The following PALLD variants were observed in gnomAD, a reference collection of about 807,000 sequenced individuals.
The protein encoded by PALLD is palladin.
Under a neutral mutation model 123.5 loss-of-function variants are expected in PALLD, and 61 were observed. The observed-to-expected ratio is 0.49, with a 90% CI of 0.40 to 0.61. The LOEUF (loss-of-function observed/expected upper bound fraction) is 0.61. PALLD is among the 20% of genes least tolerant of loss of function. The pLI is 0.00. For synonymous variants in PALLD, 465 were observed against 496.4 expected, an observed-to-expected ratio of 0.94 and a Z score of 0.84; for missense variants, 1,273 against 1,377.0, an observed-to-expected ratio of 0.92 and a Z score of 1.20.
intron 10 of PALLD, among the ~76,000 whole-genome samples, chr4:168,764,027 T>G (rs1733321213): frequency 6.6e-6 from 1 of 152,214 alleles, no homozygotes; most frequent in African/African-American, 2.4e-5. Flanking sequence ...TGCAGTAATA[T>G]TAACCAGCGT....
At chr4:168,793,963 G>C (rs1232052606) in intron 10 of PALLD, among the ~76,000 whole-genome samples, 1 of 152,176 alleles carries the variant, frequency 6.6e-6, no homozygotes, top group Non-Finnish European at 1.5e-5. Flanking sequence ...GGAAGGCCAC[G>C]TTCTGCCTAG....
chr4:168,751,643 T>A (rs1731075369), intron 10 of PALLD, among the ~76,000 whole-genome samples: 1 of 152,218 alleles, frequency 6.6e-6, no homozygotes, highest in Non-Finnish European at 1.5e-5. Context: ...TTAACACAGT[T>A]CACACCAGGG....
intron 6 of PALLD, among the ~76,000 whole-genome samples, chr4:168,690,334 A>C (rs1480330096): frequency 6.6e-6 from 1 of 152,230 alleles, no homozygotes; most frequent in Non-Finnish European, 1.5e-5. Flanking sequence ...CAGTCAGTGC[A>C]AATTTGCAGA....
chr4:168,810,119 G>A (rs1411545963), intron 10 of PALLD, among the ~76,000 whole-genome samples: 1 of 151,840 alleles, frequency 6.6e-6, no homozygotes, highest in African/African-American at 2.4e-5. Context: ...AGGCATTTTG[G>A]TATAATTTGA....
Position 168,532,061 on chromosome 4 carries a change from A to G in PALLD, c.908+19649A>G, listed in dbSNP as rs1240870404. Among the ~76,000 whole-genome samples, 5 of 151,968 alleles carry G rather than the reference A, an allele frequency of 3.3e-5. No homozygotes were observed. In the East Asian group the frequency reaches 5.8e-4, roughly 18 times the overall value. On this transcript the variant is annotated intron_variant, in intron 2 of 21. Transcript: ENST00000505667. Reference sequence around the variant, plus strand: ...GTATTAAGCCTAGTACCCATTAGTTATTTTTCCTGATCCTCTGCTTCCTCC... The same window carrying G: ...GTATTAAGCCTAGTACCCATTAGTTGTTTTTCCTGATCCTCTGCTTCCTCC...
At chr4:168,542,928 C>A (rs1346670081) in intron 2 of PALLD, among the ~76,000 whole-genome samples, 1 of 151,624 alleles carries the variant, frequency 6.6e-6, no homozygotes, top group Non-Finnish European at 1.5e-5. Context: ...CACCAGCCCA[C>A]TGGATTCACC....
At chr4:168,789,920 A>T (rs981982626) in intron 10 of PALLD, among the ~76,000 whole-genome samples, 2 of 152,114 alleles carry the variant, frequency 1.3e-5, no homozygotes, top group Non-Finnish European at 2.9e-5. Context: ...CACCGTGAAA[A>T]ATCAAAACAC....
At chr4:168,550,168 G>A (rs951543576) in intron 2 of PALLD, among the ~76,000 whole-genome samples, 5 of 152,202 alleles carry the variant, frequency 3.3e-5, no homozygotes, top group Non-Finnish European at 5.9e-5. Context: ...TGGGATTGTG[G>A]AGGGATTGGA....
intron 10 of PALLD, among the ~76,000 whole-genome samples, chr4:168,883,227 TG>T (rs1752873141): frequency 6.6e-6 from 1 of 152,252 alleles, no homozygotes; most frequent in African/African-American, 2.4e-5. Flanking sequence ...ACCCATTTTT[TG>T]TACTTTAACA....
At position 168,668,431 on chromosome 4, in the gene PALLD, C is replaced by T; in HGVS notation, c.1087+63C>T. The T allele has an allele frequency of 2.2e-6, 3 of 1,354,524 alleles. No individual in the cohort carries two copies. The East Asian group carries it at 7.0e-5, about 32-fold the overall frequency. 83.9% of individuals were successfully genotyped at this position (1,354,524 alleles called of 1,614,324 possible). ...GTCAATGGTCTAATGACTCCAGTATCTTGGGCATGCAAATGTGCCTTTCCA... is the reference window on the plus strand; with the variant it reads ...GTCAATGGTCTAATGACTCCAGTATTTTGGGCATGCAAATGTGCCTTTCCA... On this transcript the variant is annotated intron_variant, in intron 3 of 21. Transcript: ENST00000505667.
intron 8 of PALLD, among the ~76,000 whole-genome samples, chr4:168,702,446 T>C (rs1783765585): frequency 1.3e-5 from 2 of 151,982 alleles, no homozygotes; most frequent in South Asian, 4.1e-4. Context: ...TCCAGCTACT[T>C]GGGAGGCTGA....
Position 168,511,686 on chromosome 4 carries a change from A to C in PALLD, c.182A>C (p.Glu61Ala). The C allele has an allele frequency of 1.2e-6, 2 of 1,614,170 alleles. No homozygotes were observed. Among genetic ancestry groups the C allele is most frequent in the Non-Finnish European group, 1.7e-6 (2 of 1,180,012 alleles). ...TCCGAAACAGAAGATTTTGACTCGG[A>C]AAAGGAGATCTCGCAGATTTTCAGT... ...ADSETEDFDS[E>A]KEISQIFSTS... Residue 61 changes from glutamate (E) to alanine (A), a missense_variant, in exon 2 of 22, where the codon GAA becomes GCA. This residue lies in a region of PALLD where 944 missense variants were observed against 954.5 expected (regional missense o/e 0.99). Transcript: ENST00000505667.
At chr4:168,772,953 G>A (rs2150509095) in intron 10 of PALLD, among the ~76,000 whole-genome samples, 1 of 152,270 alleles carries the variant, frequency 6.6e-6, no homozygotes, top group East Asian at 1.9e-4. Flanking sequence ...TCTTGGGCAT[G>A]GAGTGGGTCA....
intron 10 of PALLD, among the ~76,000 whole-genome samples, chr4:168,770,168 T>A (rs77257648): frequency 6.6e-6 from 1 of 152,202 alleles, no homozygotes; most frequent in East Asian, 1.9e-4. Context: ...ACTAGCAACA[T>A]CTACTCTGGA....
intron 2 of PALLD, chr4:168,530,512 T>C (rs1469876741): frequency 6.6e-6 from 1 of 152,208 alleles, no homozygotes; most frequent in African/African-American, 2.4e-5. Context: ...CCCTCGCCAA[T>C]TTTATGGTTT....
chr4:168,777,635 G>A (rs867528871), intron 10 of PALLD, among the ~76,000 whole-genome samples: 25 of 152,170 alleles, frequency 1.6e-4, no homozygotes, highest in Non-Finnish European at 7.3e-5. Context: ...GACTAGAGAG[G>A]CTGTTCATCT....
At chr4:168,663,538 GC>G (rs1364273278) in intron 2 of PALLD, among the ~76,000 whole-genome samples, 1 of 152,140 alleles carries the variant, frequency 6.6e-6, no homozygotes, top group African/African-American at 2.4e-5. Context: ...GAGTGTGTGG[GC>G]TCTGGACTGG....
At chr4:168,633,110 G>T (rs1023384119) in intron 2 of PALLD, among the ~76,000 whole-genome samples, 3 of 152,198 alleles carry the variant, frequency 2.0e-5, no homozygotes, top group African/African-American at 7.2e-5. Flanking sequence ...TGATGAAAAA[G>T]ACTTTCTATC....
intron 2 of PALLD, among the ~76,000 whole-genome samples, chr4:168,556,100 C>G (rs1325472676): frequency 6.8e-6 from 1 of 146,920 alleles, no homozygotes; most frequent in African/African-American, 2.4e-5. Context: ...CATATTAATA[C>G]CCTTTTTTTT....
Sources: gnomAD v4.1 joint callset for allele counts (sites outside exome capture counted in the v4.1 genomes callset) on GRCh38, gnomAD v4.1.1 for gene constraint, gnomAD v4.1.1 regional missense constraint, MANE v1.5 for transcripts, NCBI Gene and HGNC (gene_info 2026-07-23, HGNC 2026-07-21) for gene names.